EFCAB5: variants seen among roughly 807,000 people sequenced by gnomAD.
The protein encoded by EFCAB5 is EF-hand calcium-binding domain-containing protein 5.
EFCAB5 carries 131 observed loss-of-function variants against 167.9 expected under a neutral mutation model. That is an observed-to-expected ratio of 0.78 (90% CI 0.68 to 0.90). The LOEUF is 0.90. Among genes scored for constraint, EFCAB5 ranks in the 40% least tolerant of loss-of-function variants. The pLI, the probability that EFCAB5 is intolerant of heterozygous loss-of-function variation, is 0.00. For synonymous variants in EFCAB5, 574 were observed against 602.8 expected, an observed-to-expected ratio of 0.95 and a Z score of 0.70; for missense variants, 1,663 against 1,745.2, an observed-to-expected ratio of 0.95 and a Z score of 0.84.
chr17:29,932,449 CT>C (rs35262851), intron 1 of EFCAB5, among the ~76,000 whole-genome samples: 3,138 of 66,706 alleles, frequency 0.047, 48 homozygotes, highest in African/African-American at 0.11. Flanking sequence ...CTGTGCCCGG[CT>C]TTTTTTTTTT....
chr17:30,083,085 G>A (rs374982282), intron 18 of EFCAB5, 42 bp downstream of exon 18: 135 of 1,591,690 alleles, frequency 8.5e-5, no homozygotes, highest in Admixed American at 3.8e-4. Flanking sequence ...CAAGGTAGCC[G>A]AGTGTCTAGA....
rs750487171 is a variant in EFCAB5 at position 30,091,923 on chromosome 17, C to G, written c.3990C>G (p.Ile1330Met). 1.2e-6 allele frequency: 2 copies of G among 1,614,024 alleles called. No homozygotes were observed. The highest frequency in any genetic ancestry group is 1.7e-5 in the Admixed American group (1 of 60,026). The change falls in exon 21 of 23, where the codon ATC becomes ATG. Residue 1330 changes from isoleucine (I) to methionine (M), a missense_variant. Ile to Met is a conservative substitution (Grantham distance 10, BLOSUM62 1). Transcript: ENST00000394835. The stretch of plus-strand genomic sequence containing the variant: ...GGGCAGGAATTCTCTTCTTCCGAAT[C>G]ATGCTGCTCGAGCTACAGGAAAGCA... ...VQRAGILFFR[I>M]MLLELQESIQ... is the part of the protein sequence containing the mutation.
intron 5 of EFCAB5, among the ~76,000 whole-genome samples, chr17:29,995,037 T>C (rs964294929): frequency 1.3e-5 from 2 of 152,200 alleles, no homozygotes; most frequent in East Asian, 1.9e-4. Flanking sequence ...TGATTTCTCA[T>C]TGAAACTCTC....
chr17:30,049,457 G>T (rs1414277602), intron 8 of EFCAB5, among the ~76,000 whole-genome samples: 1 of 151,948 alleles, frequency 6.6e-6, no homozygotes, highest in Non-Finnish European at 1.5e-5. Context: ...TCCAGCCTGG[G>T]CGACAGAGCG....
chr17:30,007,063 C>G (rs2068787726), intron 7 of EFCAB5, among the ~76,000 whole-genome samples: 1 of 152,142 alleles, frequency 6.6e-6, no homozygotes, highest in African/African-American at 2.4e-5. Context: ...TACCTATTGT[C>G]CTGTTGATAG....
intron 7 of EFCAB5, among the ~76,000 whole-genome samples, chr17:30,033,081 A>C (rs1597700985): frequency 1.3e-5 from 2 of 148,742 alleles, no homozygotes; most frequent in South Asian, 2.1e-4. Context: ...CTGAGCTCAC[A>C]CTTTTTTTTT....
At chr17:29,995,566 T>G (rs760057594) in intron 5 of EFCAB5, among the ~76,000 whole-genome samples, 8 of 152,266 alleles carry the variant, frequency 5.3e-5, no homozygotes, top group Non-Finnish European at 1.2e-4. Context: ...AATTTCCATT[T>G]GAAGCTCTGT....
chr17:29,941,564 G>A (rs973796047), upstream of EFCAB5: 4 of 357,992 alleles, frequency 1.1e-5, no homozygotes, highest in African/African-American at 8.5e-5. Flanking sequence ...CCTGAGCAAT[G>A]ATCTAGCTTT....
chr17:30,030,065 C>T (rs949827681), intron 7 of EFCAB5, among the ~76,000 whole-genome samples: 3 of 152,110 alleles, frequency 2.0e-5, no homozygotes, highest in African/African-American at 7.2e-5. Flanking sequence ...AGCAATCTTT[C>T]CTTGGAAAGG....
chr17:30,075,690 G>A (rs1388378323), intron 14 of EFCAB5, among the ~76,000 whole-genome samples: 2 of 152,078 alleles, frequency 1.3e-5, no homozygotes, highest in Non-Finnish European at 2.9e-5. Flanking sequence ...CACATGGACT[G>A]AAGGTTGCCC....
At chr17:30,034,535 C>A (rs2069568065) in intron 8 of EFCAB5, 150 bp downstream of exon 8, 1 of 832,734 alleles carries the variant, frequency 1.2e-6, no homozygotes, top group Non-Finnish European at 1.8e-6. Flanking sequence ...CCCATATCTA[C>A]AAAATAGATA....
chr17:30,060,794 G>C (rs960926835), intron 14 of EFCAB5, among the ~76,000 whole-genome samples: 2 of 152,150 alleles, frequency 1.3e-5, no homozygotes, highest in Admixed American at 6.5e-5. Context: ...CTTATCAAAT[G>C]GGCAAATTTC....
intron 3 of EFCAB5, among the ~76,000 whole-genome samples, chr17:29,945,567 A>AG (rs765771130): frequency 2.0e-5 from 3 of 152,064 alleles, no homozygotes; most frequent in Non-Finnish European, 4.4e-5. Flanking sequence ...TTTTTTTAAG[A>AG]GAAAAAAAAA....
At chr17:29,950,630 T>A (rs2067489760) in intron 3 of EFCAB5, 1 of 152,142 alleles carries the variant, frequency 6.6e-6, no homozygotes, top group Non-Finnish European at 1.5e-5. Context: ...TGCCTCAGCC[T>A]CCCGAAGCGC....
Position 30,078,469 on chromosome 17 carries a change from C to CCGG in EFCAB5, c.2993_2995dup (p.Pro998_Val999insAla), listed in dbSNP as rs1365551293. ...AGAGACAAGTGGGGTGTCCCTAGAG[C>CCGG]CGGTGTATAGTGAGACCTTTAAGGC... On this transcript the variant is annotated inframe_insertion, in exon 15 of 23. Transcript: ENST00000394835. 10 of 1,612,268 alleles carry CCGG rather than the reference C, an allele frequency of 6.2e-6. No homozygotes were observed. The highest frequency in any genetic ancestry group is 8.5e-6 in the Non-Finnish European group (10 of 1,179,052).
chr17:29,999,933 C>G lies in EFCAB5; in HGVS notation c.1001C>G (p.Thr334Ser). The G allele has an allele frequency of 1.3e-6, 2 of 1,586,554 alleles. No homozygotes were observed. The highest frequency in any genetic ancestry group is 2.7e-5 in the African/African-American group (2 of 74,554). Residue 334 changes from threonine (T) to serine (S), a missense_variant, in exon 7 of 23, where the codon ACT becomes AGT. Transcript: ENST00000394835. ...TCACACTGCAAACAACTGGATATTA[C>G]TGACTCAACAGAACCAAGATTGAAC... The part of the protein sequence containing the change: ...LGSHCKQLDI[T>S]DSTEPRLNKM...
Position 30,080,889 on chromosome 17 carries a change from T to C in EFCAB5, c.3334T>C (p.Tyr1112His). Reference protein sequence around the residue: ...SFLALPLQDAYMRIFGVLAVD... With the variant: ...SFLALPLQDAHMRIFGVLAVD... ...CCTGGCTCTGCCTCTTCAAGATGCA[T>C]ATATGAGGATCTTTGGGGTCTTGGC... is the stretch of plus-strand genomic sequence containing the variant. Residue 1112 changes from tyrosine to histidine, a missense_variant, in exon 17 of 23, where the codon TAT becomes CAT. Tyr to His is a moderately conservative substitution (Grantham distance 83). Coordinates refer to ENST00000394835, the MANE Select transcript of EFCAB5 (RefSeq NM_198529.4). 1 of 1,613,864 alleles carries C rather than the reference T, an allele frequency of 6.2e-7. No individual in the cohort carries two copies. Among genetic ancestry groups the C allele is most frequent in the Non-Finnish European group, 8.5e-7 (1 of 1,179,840 alleles).
chr17:30,048,893 A>G (rs2070003647), intron 8 of EFCAB5, among the ~76,000 whole-genome samples: 1 of 152,198 alleles, frequency 6.6e-6, no homozygotes, highest in Non-Finnish European at 1.5e-5. Flanking sequence ...CACAACAACT[A>G]TTGGTCTGGC....
chr17:30,093,668 C>G (rs1250957672), intron 22 of EFCAB5, among the ~76,000 whole-genome samples: 1 of 152,170 alleles, frequency 6.6e-6, no homozygotes, highest in Non-Finnish European at 1.5e-5. Context: ...CGCTACCCAC[C>G]ACTTTCTGCT....
Sources: allele counts gnomAD v4.1 joint callset (sites outside exome capture counted in the v4.1 genomes callset), GRCh38; gene constraint gnomAD v4.1.1; transcripts MANE v1.5; gene names NCBI Gene and HGNC (gene_info 2026-07-23, HGNC 2026-07-21).